Variants in NLRP3 observed in about 807,000 individuals in gnomAD.
NLRP3 encodes NLR family pyrin domain containing 3, also known as NACHT, LRR and PYD domains-containing protein 3.
NLRP3 carries 48 observed loss-of-function variants against 91.3 expected under a neutral mutation model. The observed-to-expected ratio is 0.53, with a 90% confidence interval of 0.42 to 0.67. The LOEUF is 0.67. Ranked by LOEUF, NLRP3 falls within the 30% of genes least tolerant of loss-of-function variation. The pLI is 0.00. For synonymous variants in NLRP3, 561 were observed against 507.9 expected (o/e 1.10, Z -1.41); for missense variants, 982 against 1,276.9 (o/e 0.77, Z 3.52).
At position 247,435,502 on chromosome 1, in the gene NLRP3, G is replaced by A. The variant is rs548098979; in HGVS notation, c.2493-468G>A. 8.5e-5 allele frequency among the ~76,000 whole-genome samples: 13 copies of A among 152,312 alleles called. No homozygotes were observed. In the East Asian group the frequency reaches 1.4e-3, roughly 16 times the overall value. ...AATACTCTGATTGTCCTTATAGGAGGTGTCTAGAACAGACAGATTCATAGA... is the reference window on the plus strand; with the variant it reads ...AATACTCTGATTGTCCTTATAGGAGATGTCTAGAACAGACAGATTCATAGA... On this transcript the variant is annotated intron_variant, in intron 6 of 9. Transcript: ENST00000336119.
intron 2 of NLRP3, among the ~76,000 whole-genome samples, chr1:247,419,659 T>A (rs575786393): frequency 6.6e-6 from 1 of 152,300 alleles, no homozygotes; most frequent in South Asian, 2.1e-4. Flanking sequence ...CTCATATAAG[T>A]GGAAACATAC....
At chr1:247,447,527 G>T (rs146357284) in intron 9 of NLRP3, among the ~76,000 whole-genome samples, 1,712 of 152,272 alleles carry the variant, frequency 0.011, 14 homozygotes, top group South Asian at 0.022. Flanking sequence ...AGGACAAATG[G>T]GTGGATTTAT....
intron 7 of NLRP3, among the ~76,000 whole-genome samples, chr1:247,437,325 A>C (rs1310653360): frequency 6.6e-6 from 1 of 152,254 alleles, no homozygotes; most frequent in African/African-American, 2.4e-5. Context: ...CCAGATCAGC[A>C]TTCAAGACAA....
chr1:247,423,380 G>C (rs1369184586), intron 3 of NLRP3, 31 bp downstream of exon 3: 3 of 1,613,266 alleles, frequency 1.9e-6, no homozygotes, highest in East Asian at 4.5e-5. Flanking sequence ...TTCTAGTTGA[G>C]TTTTAAGACC....
At chr1:247,428,980 C>G (rs1359959117) in intron 4 of NLRP3, among the ~76,000 whole-genome samples, 1 of 151,630 alleles carries the variant, frequency 6.6e-6, no homozygotes, top group Non-Finnish European at 1.5e-5. Flanking sequence ...GCAACTTCCA[C>G]CTCCCAGGTT....
rs182887509 is a variant in NLRP3 at position 247,442,754 on chromosome 1, A to C, written c.2664-1218A>C. On this transcript the variant is annotated intron_variant, in intron 7 of 9. Transcript: ENST00000336119. ...GTTTTAGCTGCACTCCTTCCTTGCC[A>C]GGTTGATATAATAATCAAATAAGAC... 5.1e-3 allele frequency among the ~76,000 whole-genome samples: 780 copies of C among 152,296 alleles called. 4 individuals are homozygous for C. Among genetic ancestry groups the C allele is most frequent in the Non-Finnish European group, 6.0e-3 (409 of 68,018 alleles).
chr1:247,432,510 C>T (rs1055057565), intron 5 of NLRP3, among the ~76,000 whole-genome samples: 3 of 152,178 alleles, frequency 2.0e-5, no homozygotes, highest in Admixed American at 6.5e-5. Context: ...AATTTCAAAT[C>T]GTAGTGCCAT....
intron 5 of NLRP3, among the ~76,000 whole-genome samples, chr1:247,430,509 G>A (rs1663235617): frequency 6.6e-6 from 1 of 152,092 alleles, no homozygotes; most frequent in South Asian, 2.1e-4. Flanking sequence ...ACATTATGAG[G>A]TCTTGAGGAT....
At chr1:247,417,346 T>C (rs1456444374) in intron 1 of NLRP3, among the ~76,000 whole-genome samples, 5 of 152,204 alleles carry the variant, frequency 3.3e-5, no homozygotes, top group Admixed American at 1.3e-4. Flanking sequence ...TAGAGCTCTG[T>C]GCAGGTTAGA....
At chr1:247,416,493 G>GGGAT (rs1662083129) in intron 1 of NLRP3, among the ~76,000 whole-genome samples, 1 of 152,164 alleles carries the variant, frequency 6.6e-6, no homozygotes, top group African/African-American at 2.4e-5. Context: ...GAAGATGGAT[G>GGGAT]GGATATACAG....
intron 7 of NLRP3, among the ~76,000 whole-genome samples, chr1:247,442,575 A>G (rs1558208310): frequency 6.6e-6 from 1 of 152,112 alleles, no homozygotes; most frequent in Non-Finnish European, 1.5e-5. Flanking sequence ...AGGAAGAGAG[A>G]GGTGGACAGA....
At chr1:247,443,582 T>G (rs542120876) in intron 7 of NLRP3, among the ~76,000 whole-genome samples, 1 of 147,358 alleles carries the variant, frequency 6.8e-6, no homozygotes, top group Non-Finnish European at 1.5e-5. Context: ...AAAAGGCCCC[T>G]GCAGTGTGGG....
intron 7 of NLRP3, among the ~76,000 whole-genome samples, chr1:247,440,055 CTG>C (rs1413001172): frequency 2.0e-5 from 3 of 152,178 alleles, no homozygotes; most frequent in Non-Finnish European, 4.4e-5. Flanking sequence ...TAGGCATAGC[CTG>C]TGTGTTAGGT....
At chr1:247,448,290 T>A (rs1207325494) in intron 9 of NLRP3, 115 bp from the exon 10 acceptor site, 5 of 455,992 alleles carry the variant, frequency 1.1e-5, no homozygotes, top group Admixed American at 3.5e-5. Flanking sequence ...TTTTTTTTTT[T>A]ACATTTTAGA....
At chr1:247,438,842 TACAG>T (rs1273594365) in intron 7 of NLRP3, among the ~76,000 whole-genome samples, 6 of 152,376 alleles carry the variant, frequency 3.9e-5, no homozygotes, top group Middle Eastern at 3.4e-3. Flanking sequence ...CATATCATAG[TACAG>T]ACAAAGTGGA....
intron 4 of NLRP3, among the ~76,000 whole-genome samples, chr1:247,429,287 T>G (rs919944238): frequency 2.0e-5 from 3 of 152,032 alleles, no homozygotes; most frequent in African/African-American, 4.8e-5. Flanking sequence ...TTCAGGGCCA[T>G]GTTGGGACAG....
rs919303147 is a variant in NLRP3 at position 247,426,877 on chromosome 1, A to G, written c.2150+1278A>G. On this transcript the variant is annotated intron_variant, in intron 4 of 9. Coordinates refer to ENST00000336119, the MANE Select transcript of NLRP3 (RefSeq NM_001243133.2). ...GAGAGAGTGAGAGAAGGAAAGGGGC[A>G]GCCAGGCTGGGGGCTTACGGTGTTG... 3.3e-5 allele frequency among the ~76,000 whole-genome samples: 5 copies of G among 152,168 alleles called. No individual in the cohort carries two copies. The South Asian group carries it at 8.3e-4, about 25-fold the overall frequency.
chr1:247,434,419 G>A, intron 6 of NLRP3, 146 bp downstream of exon 6: 1 of 813,180 alleles, frequency 1.2e-6, no homozygotes, highest in Admixed American at 1.9e-5. Flanking sequence ...GGGGTGTCTA[G>A]CATTGCGGTC....
At chr1:247,423,512 T>G (rs1318728058) in intron 3 of NLRP3, among the ~76,000 whole-genome samples, 163 bp downstream of exon 3, 1 of 152,112 alleles carries the variant, frequency 6.6e-6, no homozygotes. Context: ...AACAAATTCA[T>G]GTTTGTGTGG....
Sources: gnomAD v4.1 joint callset for allele counts (sites outside exome capture counted in the v4.1 genomes callset) on GRCh38, gnomAD v4.1.1 for gene constraint, MANE v1.5 for transcripts, NCBI Gene and HGNC (gene_info 2026-07-23, HGNC 2026-07-21) for gene names.